Variants in CALCOCO1 observed in about 807,000 individuals in gnomAD.
CALCOCO1 encodes calcium-binding and coiled-coil domain-containing protein 1.
Under a neutral mutation model 86.3 loss-of-function variants are expected in CALCOCO1, and 44 were observed. That is an observed-to-expected ratio of 0.51 (90% confidence interval 0.40 to 0.66). The LOEUF (loss-of-function observed/expected upper bound fraction) is 0.66, where lower values mean the gene tolerates loss of function less well. Ranked by LOEUF, CALCOCO1 falls within the 30% of genes least tolerant of loss-of-function variation. The pLI, the probability that CALCOCO1 is intolerant of heterozygous loss-of-function variation, is 0.00. For missense variants in CALCOCO1, 708 were observed against 851.1 expected (o/e 0.83, Z 2.09); for synonymous variants, 297 against 327.6 (o/e 0.91, Z 1.01).
chr12:53,714,683 G>A lies in CALCOCO1; in HGVS notation c.1397C>T (p.Ser466Leu), dbSNP rs753144693. 1.2e-6 allele frequency: 2 copies of A among 1,613,272 alleles called. No homozygotes were observed. Among genetic ancestry groups the A allele is most frequent in the Admixed American group, 3.3e-5 (2 of 60,006 alleles). ...CTCTGTCAGCTCCCGCTTACTTTCT[G>A]ACAACTGTACCTGAGGGAAGAGGGC... ...REKDSSLVQL[S>L]ESKRELTELR... The change falls in exon 11 of 15, where the codon TCA becomes TTA. Residue 466 changes from serine to leucine, a missense_variant. Physicochemically the swap from Ser to Leu is moderately radical, Grantham distance 145. Coordinates refer to ENST00000550804, the MANE Select transcript of CALCOCO1 (RefSeq NM_020898.3).
rs530632340 is a variant in CALCOCO1, at chr12:53,716,152, G to A, written c.1006-105C>T. 8.9e-6 allele frequency: 14 copies of A among 1,580,208 alleles called. No homozygotes were observed. In the South Asian group the frequency reaches 1.3e-4, roughly 14 times the overall value. On this transcript the variant is annotated intron_variant, in intron 8 of 14. Transcript: ENST00000550804. ...CCACTGCATTAGGACTCGGGGTTGT[G>A]TTGTTTAGTCTTTAGCCATGTCTCT...
Position 53,711,105 on chromosome 12 carries a change from G to C in CALCOCO1, c.*839C>G. 2.5e-6 allele frequency: 1 copy of C among 393,704 alleles called. No individual in the cohort carries two copies. Among genetic ancestry groups the C allele is most frequent in the Non-Finnish European group, 4.5e-6 (1 of 222,760 alleles). 24.4% of individuals were successfully genotyped at this position (393,704 alleles called of 1,614,324 possible). ...ACACCTCATGATAAGAACACATTTTGTGACAACAGTCATACATATCATATA... is the reference window on the plus strand; with the variant it reads ...ACACCTCATGATAAGAACACATTTTCTGACAACAGTCATACATATCATATA... On this transcript the variant is annotated 3_prime_UTR_variant, in exon 15 of 15. Transcript: ENST00000550804.
intron 10 of CALCOCO1, among the ~76,000 whole-genome samples, chr12:53,714,980 A>G (rs1478103702): frequency 6.6e-6 from 1 of 152,160 alleles, no homozygotes; most frequent in Admixed American, 6.5e-5. Context: ...GGGCCACTCT[A>G]TAATTCTCCT....
intron 7 of CALCOCO1, among the ~76,000 whole-genome samples, chr12:53,717,826 C>T (rs1945765993): frequency 6.6e-6 from 1 of 152,176 alleles, no homozygotes; most frequent in South Asian, 2.1e-4. Flanking sequence ...AAGTTCCAGA[C>T]CAGCCTGGCC....
chr12:53,725,005 A>G, intron 2 of CALCOCO1, 82 bp downstream of exon 2: 1 of 1,416,726 alleles, frequency 7.1e-7, no homozygotes, highest in Non-Finnish European at 9.6e-7. Context: ...CCTGAGGTTG[A>G]GAATCCAAGA....
chr12:53,714,709 C>T lies in CALCOCO1; in HGVS notation c.1387-16G>A. 4 of 1,589,522 alleles carry T rather than the reference C, an allele frequency of 2.5e-6. No individual in the cohort carries two copies. The highest frequency in any genetic ancestry group is 3.5e-6 in the Non-Finnish European group (4 of 1,159,220). On this transcript the variant is annotated splice_polypyrimidine_tract_variant and intron_variant, in intron 10 of 14. Coordinates refer to ENST00000550804, the MANE Select transcript of CALCOCO1 (RefSeq NM_020898.3). The stretch of plus-strand genomic sequence containing the variant: ...ACAACTGTACCTGAGGGAAGAGGGC[C>T]CAATGGAATCTGGAGCCTAGAATGT...
rs953636586 is a variant in CALCOCO1, at chr12:53,708,781, A to C, written c.*3163T>G. On this transcript the variant is annotated 3_prime_UTR_variant, in exon 15 of 15. Coordinates refer to ENST00000550804, the MANE Select transcript of CALCOCO1 (RefSeq NM_020898.3). ...TAAACACATGTAGCATCTTTTTATA[A>C]AGTGCTCTACGTGGTATGTCAAAGG... 1 of 152,188 alleles carries C rather than the reference A, an allele frequency of 6.6e-6. No individual in the cohort carries two copies. Among genetic ancestry groups the C allele is most frequent in the East Asian group, 1.9e-4 (1 of 5,204 alleles). 9.4% of individuals were successfully genotyped at this position (152,188 alleles called of 1,614,324 possible).
At position 53,711,855 on chromosome 12, in the gene CALCOCO1, T is replaced by C; in HGVS notation, c.*89A>G. ...CAGAATATCATGGAGCCCAGTGTGATAGAAAATGGGCATGAAACCTAAGTG... is the reference window on the plus strand; with the variant it reads ...CAGAATATCATGGAGCCCAGTGTGACAGAAAATGGGCATGAAACCTAAGTG... On this transcript the variant is annotated 3_prime_UTR_variant, in exon 15 of 15. Transcript: ENST00000550804. The C allele has an allele frequency of 1.6e-5, 18 of 1,148,950 alleles. No homozygotes were observed. The highest frequency in any genetic ancestry group is 2.1e-5 in the Non-Finnish European group (18 of 843,456). The allele number at this position is 1,148,950 out of a possible 1,614,324, so 71.2% of individuals were successfully genotyped here. A position where few individuals can be genotyped will look rare whatever the true frequency, so the allele number is the denominator to read the frequency against.
chr12:53,724,006 TGTA>T (rs376771901), intron 3 of CALCOCO1: 4 of 569,496 alleles, frequency 7.0e-6, no homozygotes, highest in African/African-American at 3.7e-5. Context: ...GTGCGTACCA[TGTA>T]CCAGACACTG....
intron 7 of CALCOCO1, 65 bp from the exon 8 acceptor site, chr12:53,716,480 C>T (rs1343653639): frequency 1.3e-6 from 2 of 1,549,184 alleles, no homozygotes; most frequent in Non-Finnish European, 1.8e-6. Context: ...GGAGGTGAAC[C>T]ATTGTGATGA....
At chr12:53,712,808 A>G in intron 14 of CALCOCO1, 1 of 1,391,774 alleles carries the variant, frequency 7.2e-7, no homozygotes, top group Non-Finnish European at 9.5e-7. Flanking sequence ...GGCAGGAGAG[A>G]GGGGAAGCAG....
Position 53,715,317 on chromosome 12 carries a change from C to A in CALCOCO1, c.1269G>T (p.Lys423Asn), listed in dbSNP as rs774658897. 1 of 1,614,132 alleles carries A rather than the reference C, an allele frequency of 6.2e-7. No individual in the cohort carries two copies. The highest frequency in any genetic ancestry group is 8.5e-7 in the Non-Finnish European group (1 of 1,180,016). ...CTGCACTCAGCTTCAGGATCTTGTCCTTCTCTGCCTGAGAGATAGCCAAGA... is the reference window on the plus strand; with the variant it reads ...CTGCACTCAGCTTCAGGATCTTGTCATTCTCTGCCTGAGAGATAGCCAAGA... ...AGLLQSVEAE[K>N]DKILKLSAEI... Residue 423 changes from lysine to asparagine, a missense_variant, in exon 10 of 15, where the codon AAG becomes AAT. Coordinates refer to ENST00000550804, the MANE Select transcript of CALCOCO1 (RefSeq NM_020898.3).
intron 6 of CALCOCO1, among the ~76,000 whole-genome samples, chr12:53,720,241 T>C (rs1945831488): frequency 6.6e-6 from 1 of 152,214 alleles, no homozygotes; most frequent in African/African-American, 2.4e-5. Context: ...GCAGTCCATG[T>C]GGTCTCTGTG....
chr12:53,724,238 G>A (rs1204081584), intron 3 of CALCOCO1: 1 of 413,094 alleles, frequency 2.4e-6, no homozygotes, highest in East Asian at 7.4e-5. Flanking sequence ...CTATAAGCCA[G>A]GCATCCCCTT....
chr12:53,716,101 C>T, intron 8 of CALCOCO1, 54 bp from the exon 9 acceptor site: 1 of 1,603,016 alleles, frequency 6.2e-7, no homozygotes, highest in East Asian at 2.2e-5. Flanking sequence ...CATTCATCAG[C>T]CAGGGAGGTA....
At chr12:53,713,996 C>A in intron 12 of CALCOCO1, 96 bp from the exon 13 acceptor site, 1 of 1,317,366 alleles carries the variant, frequency 7.6e-7, no homozygotes, top group Non-Finnish European at 1.1e-6. Context: ...TTAGACTAAA[C>A]AGGGGCCAGG....
intron 8 of CALCOCO1, 73 bp downstream of exon 8, chr12:53,716,187 T>G: frequency 6.3e-7 from 1 of 1,595,466 alleles, no homozygotes; most frequent in Non-Finnish European, 8.6e-7. Context: ...TCCCCTTCTC[T>G]TTAGACACGC....
chr12:53,724,194 C>G (rs551331984), intron 3 of CALCOCO1: 17 of 445,484 alleles, frequency 3.8e-5, no homozygotes, highest in South Asian at 2.7e-4. Flanking sequence ...CCACGCCTGG[C>G]CTGCAGCTTT....
chr12:53,726,493 C>T (rs1337397307), intron 1 of CALCOCO1, among the ~76,000 whole-genome samples: 3 of 152,172 alleles, frequency 2.0e-5, no homozygotes, highest in Non-Finnish European at 4.4e-5. Flanking sequence ...CACTCCTTTC[C>T]AGCCCACTAA....
Sources: gnomAD v4.1 joint callset for allele counts (sites outside exome capture counted in the v4.1 genomes callset) on GRCh38, gnomAD v4.1.1 for gene constraint, MANE v1.5 for transcripts, NCBI Gene and HGNC (gene_info 2026-07-23, HGNC 2026-07-21) for gene names.